The following RBFOX1 variants were observed in gnomAD, a reference collection of about 807,000 sequenced individuals.
RBFOX1 encodes the protein RNA binding fox-1 homolog 1.
RBFOX1 carries 8 observed loss-of-function variants against 57.7 expected under a neutral mutation model. That is an observed-to-expected ratio of 0.14 (90% CI 0.08 to 0.25). RBFOX1 has a LOEUF of 0.25. RBFOX1 is among the 10% of genes least tolerant of loss of function. The pLI is 1.00. For missense variants in RBFOX1, 611 were observed against 548.5 expected (o/e 1.11, Z -1.14); for synonymous variants, 326 against 222.4 (o/e 1.47, Z -4.15).
intron 3 of RBFOX1, among the ~76,000 whole-genome samples, chr16:6,813,187 A>G (rs1290129612): frequency 6.6e-6 from 1 of 152,034 alleles, no homozygotes; most frequent in Non-Finnish European, 1.5e-5. Flanking sequence ...CTATAACAAA[A>G]TTGTGATTAT....
At chr16:5,516,376 C>T (rs1052961994) in intron 2 of RBFOX1, among the ~76,000 whole-genome samples, 2 of 152,100 alleles carry the variant, frequency 1.3e-5, no homozygotes, top group Non-Finnish European at 1.5e-5. Context: ...CACTTCCTGT[C>T]TCACATTATT....
intron 3 of RBFOX1, among the ~76,000 whole-genome samples, chr16:6,938,142 A>G (rs1025583496): frequency 6.6e-5 from 10 of 152,142 alleles, no homozygotes; most frequent in Admixed American, 1.3e-4. Flanking sequence ...ATTTTGAACT[A>G]TTCAAGTTCA....
intron 3 of RBFOX1, among the ~76,000 whole-genome samples, chr16:5,683,653 T>G (rs1200029463): frequency 6.6e-6 from 1 of 152,002 alleles, no homozygotes. Flanking sequence ...GGACTTGGAC[T>G]GTCTCTCCTT....
intron 3 of RBFOX1, among the ~76,000 whole-genome samples, chr16:5,854,693 A>T (rs2056981044): frequency 6.6e-6 from 1 of 152,132 alleles, no homozygotes; most frequent in South Asian, 2.1e-4. Flanking sequence ...GCTGCAGCGA[A>T]CATGGGGGTG....
At chr16:6,361,425 C>T (rs1348322967) in intron 2 of RBFOX1, among the ~76,000 whole-genome samples, 1 of 151,896 alleles carries the variant, frequency 6.6e-6, no homozygotes, top group Non-Finnish European at 1.5e-5. Context: ...GTCAGGAGTT[C>T]GAGACCAGCC....
At chr16:6,955,377 CACAT>C (rs2081581929) in intron 3 of RBFOX1, among the ~76,000 whole-genome samples, 1 of 151,482 alleles carries the variant, frequency 6.6e-6, no homozygotes, top group African/African-American at 2.4e-5. Context: ...CACACACGTG[CACAT>C]ACACACACTC....
intron 3 of RBFOX1, among the ~76,000 whole-genome samples, chr16:6,738,070 G>A (rs1487049776): frequency 3.0e-5 from 4 of 134,056 alleles, no homozygotes; most frequent in South Asian, 2.9e-4. Context: ...TTTTTTTTGC[G>A]GTAATTCTTA....
At chr16:6,190,968 A>G (rs978203034) in intron 1 of RBFOX1, among the ~76,000 whole-genome samples, 17 of 152,108 alleles carry the variant, frequency 1.1e-4, no homozygotes, top group African/African-American at 4.1e-4. Flanking sequence ...GGCAGTCTAA[A>G]TCCAGATCGG....
intron 4 of RBFOX1, among the ~76,000 whole-genome samples, chr16:7,426,448 T>A (rs955059506): frequency 6.6e-6 from 1 of 152,162 alleles, no homozygotes; most frequent in African/African-American, 2.4e-5. Flanking sequence ...TTAGCCCAGC[T>A]CTTAGCTAAT....
At chr16:6,081,859 T>C (rs553499208) in intron 1 of RBFOX1, among the ~76,000 whole-genome samples, 1 of 152,254 alleles carries the variant, frequency 6.6e-6, no homozygotes, top group South Asian at 2.1e-4. Context: ...TCCTAGTCCT[T>C]GTAATTGAGC....
chr16:5,648,950 G>C (rs1006153986), intron 3 of RBFOX1, among the ~76,000 whole-genome samples: 1 of 151,860 alleles, frequency 6.6e-6, no homozygotes, highest in Non-Finnish European at 1.5e-5. Context: ...TGTAGTCCCA[G>C]CTACTTGGGA....
chr16:7,646,073 G>A (rs532311457), intron 11 of RBFOX1, among the ~76,000 whole-genome samples: 1 of 151,962 alleles, frequency 6.6e-6, no homozygotes, highest in African/African-American at 2.4e-5. Flanking sequence ...TTTAATTTAA[G>A]GCCATTTAAA....
intron 2 of RBFOX1, among the ~76,000 whole-genome samples, chr16:6,654,372 C>T (rs988117569): frequency 2.6e-5 from 4 of 152,210 alleles, no homozygotes; most frequent in African/African-American, 4.8e-5. Flanking sequence ...CTACATTCCA[C>T]ATCTGCATGT....
At chr16:5,591,730 G>C (rs1321666272) in intron 2 of RBFOX1, among the ~76,000 whole-genome samples, 2 of 152,076 alleles carry the variant, frequency 1.3e-5, no homozygotes, top group Admixed American at 1.3e-4. Flanking sequence ...TATCTTAACT[G>C]ACAGTGTCTG....
chr16:6,944,371 G>T (rs934509041), intron 3 of RBFOX1, among the ~76,000 whole-genome samples: 2 of 147,164 alleles, frequency 1.4e-5, no homozygotes, highest in African/African-American at 5.1e-5. Context: ...CTCCAGCCTG[G>T]CAACAGAGCA....
chr16:5,597,177 T>C, intron 2 of RBFOX1, among the ~76,000 whole-genome samples: 1 of 152,094 alleles, frequency 6.6e-6, no homozygotes, highest in South Asian at 2.1e-4. Context: ...TCTCTCTCTT[T>C]TGATATCTGT....
chr16:5,692,013 T>C (rs530295921), intron 3 of RBFOX1, among the ~76,000 whole-genome samples: 2 of 38,446 alleles, frequency 5.2e-5, no homozygotes, highest in Admixed American at 3.8e-4. Context: ...ATTTGGTAAC[T>C]CTTTTTTTAT....
At chr16:5,976,411 C>A (rs1384587108) in intron 4 of RBFOX1, among the ~76,000 whole-genome samples, 1 of 152,102 alleles carries the variant, frequency 6.6e-6, no homozygotes, top group Admixed American at 6.5e-5. Flanking sequence ...CGCTAATTAC[C>A]AAACTATTTG....
intron 3 of RBFOX1, among the ~76,000 whole-genome samples, chr16:5,784,685 A>G (rs2054440887): frequency 6.6e-6 from 1 of 152,150 alleles, no homozygotes; most frequent in African/African-American, 2.4e-5. Context: ...GATCGAAATC[A>G]TGTCAGTAAG....
Sources: gnomAD v4.1 joint callset for allele counts (sites outside exome capture counted in the v4.1 genomes callset) on GRCh38, gnomAD v4.1.1 for gene constraint, MANE v1.5 for transcripts, NCBI Gene and HGNC (gene_info 2026-07-23, HGNC 2026-07-21) for gene names.